DNER: variants seen among roughly 807,000 people sequenced by gnomAD.
DNER encodes the protein delta and Notch-like epidermal growth factor-related receptor.
Under a neutral mutation model 78.2 loss-of-function variants are expected in DNER, and 33 were observed. That is an observed-to-expected ratio of 0.42 (90% CI 0.32 to 0.56). The LOEUF (loss-of-function observed/expected upper bound fraction) is 0.56, where lower values mean the gene tolerates loss of function less well. Ranked by LOEUF, DNER falls within the 20% of genes least tolerant of loss-of-function variation. The probability of loss-of-function intolerance (pLI) is 0.11; values close to 1 mark genes in which losing one functional copy is unlikely to be tolerated. For synonymous variants in DNER, 417 were observed against 384.8 expected, an observed-to-expected ratio of 1.08 and a Z score of -0.98; for missense variants, 918 against 975.3, an observed-to-expected ratio of 0.94 and a Z score of 0.78.
At chr2:229,555,440 A>C (rs536775755) in intron 4 of DNER, among the ~76,000 whole-genome samples, 2 of 152,264 alleles carry the variant, frequency 1.3e-5, no homozygotes, top group South Asian at 4.1e-4. Context: ...CCAGTCTTAC[A>C]GCCATTGAGA....
chr2:229,689,315 G>T (rs1455317565), intron 1 of DNER, among the ~76,000 whole-genome samples: 1 of 152,162 alleles, frequency 6.6e-6, no homozygotes. Context: ...TGCTGAGCAG[G>T]TGGCTTTGGT....
At chr2:229,389,226 G>A (rs151182871) in intron 10 of DNER, among the ~76,000 whole-genome samples, 67 of 152,074 alleles carry the variant, frequency 4.4e-4, no homozygotes, top group East Asian at 3.1e-3. Flanking sequence ...ACACCTTTGC[G>A]TGCTTCAGAG....
intron 1 of DNER, among the ~76,000 whole-genome samples, chr2:229,661,959 G>C (rs908440376): frequency 1.3e-5 from 2 of 152,138 alleles, no homozygotes; most frequent in Non-Finnish European, 2.9e-5. Context: ...AACTCCAGCA[G>C]GCAGCCACAA....
intron 6 of DNER, among the ~76,000 whole-genome samples, chr2:229,486,648 A>G (rs1695282453): frequency 6.6e-6 from 1 of 152,202 alleles, no homozygotes; most frequent in Non-Finnish European, 1.5e-5. Context: ...GTACCCTTTA[A>G]TCCACAAGAG....
intron 1 of DNER, among the ~76,000 whole-genome samples, chr2:229,635,912 G>T (rs539714733): frequency 3.3e-4 from 50 of 151,400 alleles, no homozygotes; most frequent in Non-Finnish European, 6.0e-4. Flanking sequence ...AAACTCTGAG[G>T]GTTATTTTAT....
chr2:229,568,382 C>T (rs1030341435), intron 4 of DNER, among the ~76,000 whole-genome samples: 2 of 152,090 alleles, frequency 1.3e-5, no homozygotes, highest in Non-Finnish European at 2.9e-5. Context: ...CATTTTTAGG[C>T]CCCTGCCTTG....
At chr2:229,660,914 A>G (rs983624261) in intron 1 of DNER, among the ~76,000 whole-genome samples, 3 of 152,200 alleles carry the variant, frequency 2.0e-5, no homozygotes, top group Non-Finnish European at 4.4e-5. Context: ...AGCCCATCAG[A>G]AGAAAGATAA....
At chr2:229,656,306 A>G (rs1698911656) in intron 1 of DNER, among the ~76,000 whole-genome samples, 1 of 152,224 alleles carries the variant, frequency 6.6e-6, no homozygotes, top group Non-Finnish European at 1.5e-5. Flanking sequence ...ACAATTACTC[A>G]CAGTGTGGCC....
chr2:229,709,983 A>C (rs1699886626), intron 1 of DNER, among the ~76,000 whole-genome samples: 1 of 152,230 alleles, frequency 6.6e-6, no homozygotes, highest in Non-Finnish European at 1.5e-5. Flanking sequence ...AATGAACCAG[A>C]ACAAGCAAGA....
At chr2:229,381,363 G>A (rs1211286562) in intron 11 of DNER, among the ~76,000 whole-genome samples, 1 of 152,190 alleles carries the variant, frequency 6.6e-6, no homozygotes, top group Non-Finnish European at 1.5e-5. Flanking sequence ...GGCAGACACT[G>A]AGCTAGCTGC....
At chr2:229,490,716 G>A (rs741564) in intron 6 of DNER, among the ~76,000 whole-genome samples, 18,964 of 152,022 alleles carry the variant, frequency 0.12, 1,322 homozygotes, top group South Asian at 0.2. Flanking sequence ...TTGTAAACTT[G>A]CTGGTATGTG....
chr2:229,404,587 T>C (rs1360708302), intron 10 of DNER, among the ~76,000 whole-genome samples: 1 of 152,162 alleles, frequency 6.6e-6, no homozygotes, highest in African/African-American at 2.4e-5. Context: ...ATCAAAATGG[T>C]TACCCAGTTT....
chr2:229,627,727 G>C (rs570524912), intron 1 of DNER, among the ~76,000 whole-genome samples: 3 of 152,310 alleles, frequency 2.0e-5, no homozygotes, highest in Non-Finnish European at 2.9e-5. Flanking sequence ...CAAGTTTACT[G>C]TAAGCAGCAA....
intron 10 of DNER, among the ~76,000 whole-genome samples, chr2:229,401,736 T>C (rs1693271679): frequency 6.6e-6 from 1 of 152,162 alleles, no homozygotes; most frequent in Non-Finnish European, 1.5e-5. Context: ...TTACAATATG[T>C]TATCATTGGA....
intron 5 of DNER, among the ~76,000 whole-genome samples, chr2:229,535,717 C>T (rs1325046080): frequency 6.6e-6 from 1 of 152,012 alleles, no homozygotes; most frequent in East Asian, 1.9e-4. Context: ...GATCTCGGCT[C>T]ACTGTAAACT....
At chr2:229,413,318 C>CTTTTTTTTTTTTTTTTTTTTTTTTTT (rs751043233) in intron 9 of DNER, among the ~76,000 whole-genome samples, 1 of 89,506 alleles carries the variant, frequency 1.1e-5, no homozygotes. Flanking sequence ...TCTTTTTCTT[C>CTTTTTTTTTTTTTTTTTTTTTTTTTT]TTCTTTTTTT....
intron 5 of DNER, among the ~76,000 whole-genome samples, chr2:229,532,841 C>A (rs1015386864): frequency 2.6e-5 from 4 of 152,190 alleles, no homozygotes; most frequent in African/African-American, 7.2e-5. Flanking sequence ...CACTTCTAAC[C>A]TGGCCCCCTG....
intron 5 of DNER, among the ~76,000 whole-genome samples, chr2:229,518,566 G>A (rs868698649): frequency 1.3e-5 from 2 of 152,194 alleles, no homozygotes; most frequent in Admixed American, 1.3e-4. Context: ...TGTCTTTGAA[G>A]AATTGCACAT....
chr2:229,502,906 T>TA (rs1256340258), intron 6 of DNER, among the ~76,000 whole-genome samples: 1 of 152,222 alleles, frequency 6.6e-6, no homozygotes, highest in East Asian at 1.9e-4. Flanking sequence ...TAGATATTTT[T>TA]TTCCTCTGGC....
Sources: allele counts gnomAD v4.1 joint callset (sites outside exome capture counted in the v4.1 genomes callset), GRCh38; gene constraint gnomAD v4.1.1; transcripts MANE v1.5; gene names NCBI Gene and HGNC (gene_info 2026-07-23, HGNC 2026-07-21).